The following DLGAP2 variants were observed in gnomAD, a reference collection of about 807,000 sequenced individuals.
DLGAP2 encodes DLG associated protein 2.
A neutral mutation model predicts 100.3 loss-of-function variants in DLGAP2; 26 were observed. The observed-to-expected ratio is 0.26, with a 90% confidence interval of 0.19 to 0.36. The LOEUF (loss-of-function observed/expected upper bound fraction) is 0.36, where lower values mean the gene tolerates loss of function less well. Among genes scored for constraint, DLGAP2 ranks in the 10% least tolerant of loss-of-function variants. The pLI is 1.00. For missense variants in DLGAP2, 1,858 were observed against 1,453.2 expected, an observed-to-expected ratio of 1.28 and a Z score of -4.53; for synonymous variants, 886 against 630.1, an observed-to-expected ratio of 1.41 and a Z score of -6.08.
chr8:1,381,218 A>G (rs1244686808), intron 3 of DLGAP2: 16 of 152,208 alleles, frequency 1.1e-4, no homozygotes, highest in Non-Finnish European at 2.4e-4. Flanking sequence ...GAGACCGTGA[A>G]GGACATTTAA....
chr8:1,189,372 C>T (rs1158951645), intron 2 of DLGAP2, among the ~76,000 whole-genome samples: 1 of 152,222 alleles, frequency 6.6e-6, no homozygotes, highest in Non-Finnish European at 1.5e-5. Flanking sequence ...AACCTGGTCC[C>T]TAAATAACAT....
At chr8:948,389 G>A (rs1297468642) in intron 2 of DLGAP2, among the ~76,000 whole-genome samples, 7 of 152,204 alleles carry the variant, frequency 4.6e-5, no homozygotes, top group Non-Finnish European at 8.8e-5. Flanking sequence ...GGCCAGCCCC[G>A]GGTGCAGGAG....
chr8:922,714 GTGA>G (rs370584294), intron 2 of DLGAP2, among the ~76,000 whole-genome samples: 1 of 152,296 alleles, frequency 6.6e-6, no homozygotes, highest in African/African-American at 2.4e-5. Flanking sequence ...GATAAAGACA[GTGA>G]TTGATCTTTC....
In DLGAP2 at chr8:1,464,676, CAG is replaced by C. The variant is rs1467614076; in HGVS notation, c.107-36689_107-36688del. Among the ~76,000 whole-genome samples the C allele has an allele frequency of 2.6e-4, 40 of 152,302 alleles. 1 individual carries two copies. Among genetic ancestry groups the C allele is most frequent in the African/African-American group, 8.7e-4 (36 of 41,556 alleles). ...GGGAGACAGGGCCAGGAAGAGCTGT[CAG>C]GGGCTGGAGACACGTCCCTCACCTT... is the stretch of plus-strand genomic sequence containing the variant. On this transcript the variant is annotated intron_variant, in intron 3 of 14. Coordinates refer to ENST00000637795, the MANE Select transcript of DLGAP2 (RefSeq NM_001346810.2).
chr8:1,338,772 C>A (rs1801347500), intron 3 of DLGAP2, among the ~76,000 whole-genome samples: 1 of 151,484 alleles, frequency 6.6e-6, no homozygotes, highest in Non-Finnish European at 1.5e-5. Context: ...CCTGTGGAGA[C>A]TGAACGGGAA....
rs114067937 is a variant in DLGAP2, at chr8:821,522, C to G, written c.18+83697C>G. ...ATGAGCTGGGAATTTTGTAATTTAT[C>G]AAAAATACATATATTAGCACCTTCT... On this transcript the variant is annotated intron_variant, in intron 1 of 14. Transcript: ENST00000637795. Among the ~76,000 whole-genome samples, 507 of 152,224 alleles carry G rather than the reference C, an allele frequency of 3.3e-3. 2 individuals are homozygous for G. The highest frequency in any genetic ancestry group is 0.01 in the Middle Eastern group (3 of 292).
rs79987680 is a variant in DLGAP2, at chr8:1,452,458, C to G, written c.107-48908C>G. Among the ~76,000 whole-genome samples the G allele has an allele frequency of 1.5e-3, 231 of 152,318 alleles. No individual in the cohort carries two copies. In the East Asian group the frequency reaches 0.029, roughly 19 times the overall value. ...GAACAAATGGAAGATGCATTCAGCACCAGTGGACATGGAATATGGTCATCT... is the reference window on the plus strand; with the variant it reads ...GAACAAATGGAAGATGCATTCAGCAGCAGTGGACATGGAATATGGTCATCT... On this transcript the variant is annotated intron_variant, in intron 3 of 14. Coordinates refer to ENST00000637795, the MANE Select transcript of DLGAP2 (RefSeq NM_001346810.2).
At chr8:1,491,820 A>C (rs1395980125) in intron 3 of DLGAP2, among the ~76,000 whole-genome samples, 1 of 152,254 alleles carries the variant, frequency 6.6e-6, no homozygotes, top group Non-Finnish European at 1.5e-5. Flanking sequence ...AAAAAATGCA[A>C]AGTTAAGTGT....
chr8:1,343,987 C>G (rs868195386), intron 3 of DLGAP2, among the ~76,000 whole-genome samples: 20 of 152,220 alleles, frequency 1.3e-4, no homozygotes, highest in Middle Eastern at 6.3e-3. Flanking sequence ...CAGAGGAGAC[C>G]TGCATTTACC....
intron 1 of DLGAP2, among the ~76,000 whole-genome samples, chr8:903,041 G>A (rs1182675100): frequency 6.8e-6 from 1 of 147,208 alleles, no homozygotes; most frequent in East Asian, 2.0e-4. Context: ...GAGTGCGGGT[G>A]GACGGGGGCG....
At chr8:983,710 G>A (rs776107547) in intron 2 of DLGAP2, among the ~76,000 whole-genome samples, 1 of 151,978 alleles carries the variant, frequency 6.6e-6, no homozygotes, top group Admixed American at 6.6e-5. Context: ...TGGTGTGATC[G>A]TGGCTCACTG....
chr8:1,025,616 G>A (rs1016075117), intron 2 of DLGAP2, among the ~76,000 whole-genome samples: 1 of 152,142 alleles, frequency 6.6e-6, no homozygotes, highest in African/African-American at 2.4e-5. Context: ...GCGATGCCTG[G>A]AGAACCTTCC....
At chr8:821,662 T>C (rs1321296498) in intron 1 of DLGAP2, among the ~76,000 whole-genome samples, 1 of 152,246 alleles carries the variant, frequency 6.6e-6, no homozygotes, top group Non-Finnish European at 1.5e-5. Flanking sequence ...TCTTGGAATC[T>C]GTTTGGTTCT....
chr8:1,169,398 G>GT (rs1332034483), intron 2 of DLGAP2, among the ~76,000 whole-genome samples: 6 of 152,152 alleles, frequency 3.9e-5, no homozygotes, highest in African/African-American at 1.2e-4. Context: ...CTTTAAAGTA[G>GT]TTTTTTCCAA....
rs1482504049 is a variant in DLGAP2 at position 1,516,016 on chromosome 8, C to CCTGA, written c.172+14585_172+14586insCTGA. 1.7e-4 allele frequency among the ~76,000 whole-genome samples: 14 copies of CCTGA among 81,980 alleles called. No homozygotes were observed. In the East Asian group the frequency reaches 2.0e-3, roughly 12 times the overall value. The allele number at this position is 81,980 out of a possible 152,430, so 53.8% of individuals were successfully genotyped here. On this transcript the variant is annotated intron_variant, in intron 4 of 14. Coordinates refer to ENST00000637795, the MANE Select transcript of DLGAP2 (RefSeq NM_001346810.2). ...CTGAGTGAGAATGAGTGAGTGAGTG[C>CCTGA]ATGAATGAGTGAGTGAATGAGTAAC...
At chr8:1,036,940 A>G (rs750989925) in intron 2 of DLGAP2, among the ~76,000 whole-genome samples, 56 of 151,778 alleles carry the variant, frequency 3.7e-4, no homozygotes, top group South Asian at 8.3e-4. Context: ...ACAGTTCCTA[A>G]AGTCCGTGCT....
chr8:1,352,770 T>C (rs954937965), intron 3 of DLGAP2, among the ~76,000 whole-genome samples: 7 of 152,118 alleles, frequency 4.6e-5, no homozygotes, highest in African/African-American at 1.7e-4. Flanking sequence ...CTGAGGTTGG[T>C]ACTTTTCCAG....
At chr8:1,258,815 G>A in intron 2 of DLGAP2, 36 bp from the exon 3 acceptor site, 1 of 1,231,590 alleles carries the variant, frequency 8.1e-7, no homozygotes, top group Admixed American at 4.2e-5. Flanking sequence ...TTGAGACCCT[G>A]TGGGTGTAAC....
intron 2 of DLGAP2, among the ~76,000 whole-genome samples, chr8:1,125,893 G>GT (rs1796152351): frequency 6.6e-6 from 1 of 152,248 alleles, no homozygotes; most frequent in East Asian, 1.9e-4. Flanking sequence ...AGGGAGGACT[G>GT]TGGGAGTTGA....
Sources: allele counts gnomAD v4.1 joint callset (sites outside exome capture counted in the v4.1 genomes callset), GRCh38; gene constraint gnomAD v4.1.1; transcripts MANE v1.5; gene names NCBI Gene and HGNC (gene_info 2026-07-23, HGNC 2026-07-21).